The following SCRG1 variants were observed in gnomAD, a reference collection of about 807,000 sequenced individuals.
The protein encoded by SCRG1 is stimulator of chondrogenesis 1, also known as scrapie-responsive protein 1.
A neutral mutation model predicts 7.7 loss-of-function variants in SCRG1; 3 were observed. That is an observed-to-expected ratio of 0.39 (90% CI 0.18 to 1.01). SCRG1 has a LOEUF of 1.01. Among genes scored for constraint, SCRG1 ranks in the 50% least tolerant of loss-of-function variants. SCRG1 has a pLI of 0.36. For missense variants in SCRG1, 110 were observed against 117.2 expected (o/e 0.94, Z 0.28); for synonymous variants, 46 against 41.2 (o/e 1.12, Z -0.44).
chr4:173,417,422 G>T, the SCRG1 span, among the ~76,000 whole-genome samples: 1 of 152,208 alleles, frequency 6.6e-6, no homozygotes, highest in South Asian at 2.1e-4. Context: ...TGCCCCAGTT[G>T]CCCCCTAAGC....
chr4:173,423,231 C>A, the SCRG1 span, among the ~76,000 whole-genome samples: 5 of 151,994 alleles, frequency 3.3e-5, no homozygotes, highest in African/African-American at 1.2e-4. Context: ...GATTTATCAC[C>A]AATAGTGTTG....
At chr4:173,480,395 A>T in the SCRG1 span, among the ~76,000 whole-genome samples, 3 of 151,152 alleles carry the variant, frequency 2.0e-5, no homozygotes, top group Non-Finnish European at 4.4e-5. Flanking sequence ...CTGGCCTTTT[A>T]AAAAAGTCAA....
chr4:173,428,048 G>A, the SCRG1 span, among the ~76,000 whole-genome samples: 4 of 152,170 alleles, frequency 2.6e-5, no homozygotes, highest in African/African-American at 7.2e-5. Context: ...AATTATTGAA[G>A]ATCAAAGAGA....
At chr4:173,493,289 C>T in the SCRG1 span, among the ~76,000 whole-genome samples, 1 of 152,062 alleles carries the variant, frequency 6.6e-6, no homozygotes, top group African/African-American at 2.4e-5. Flanking sequence ...TGTGGCACTT[C>T]CCCCCTCTTG....
chr4:173,462,267 TC>T, the SCRG1 span, among the ~76,000 whole-genome samples: 1 of 151,780 alleles, frequency 6.6e-6, no homozygotes, highest in African/African-American at 2.4e-5. Context: ...ATAGTCAAAC[TC>T]CCAAAGGTCA....
chr4:173,479,641 A>G, the SCRG1 span, among the ~76,000 whole-genome samples: 1 of 151,826 alleles, frequency 6.6e-6, no homozygotes, highest in African/African-American at 2.4e-5. Flanking sequence ...GGGTTTCACC[A>G]TGTTACTCAG....
At chr4:173,492,623 G>A in the SCRG1 span, among the ~76,000 whole-genome samples, 7 of 152,308 alleles carry the variant, frequency 4.6e-5, no homozygotes, top group Non-Finnish European at 1.0e-4. Context: ...AGTAGAGTCA[G>A]CGGCAACCAT....
the SCRG1 span, among the ~76,000 whole-genome samples, chr4:173,476,363 A>AAAAAAAATATATATATAT: frequency 1.8e-3 from 173 of 98,442 alleles, 1 homozygote; most frequent in African/African-American, 5.0e-3. Flanking sequence ...GGAAAAAAAA[A>AAAAAAAATATATATATAT]ATATATATAT....
chr4:173,509,636 G>A, the SCRG1 span, among the ~76,000 whole-genome samples: 6 of 152,052 alleles, frequency 3.9e-5, no homozygotes, highest in East Asian at 1.9e-4. This position sits in a 1 kb window ranked among gnomAD's most constrained non-coding sequence, Gnocchi z 5.7. Context: ...GCTCCCTTCC[G>A]TCGGCCGGAA....
the SCRG1 span, among the ~76,000 whole-genome samples, chr4:173,481,632 A>AC: frequency 7.2e-5 from 11 of 152,000 alleles, no homozygotes; most frequent in African/African-American, 2.7e-4. Flanking sequence ...AGCAAGACCA[A>AC]CCCCTCTTCC....
chr4:173,511,675 C>A, the SCRG1 span, among the ~76,000 whole-genome samples: 2 of 151,952 alleles, frequency 1.3e-5, no homozygotes, highest in East Asian at 1.9e-4. The surrounding 1 kb of genome is among the most constrained non-coding windows in gnomAD (Gnocchi z 5.2). Context: ...GCAGATGAAC[C>A]CTAAAGGCCC....
At chr4:173,413,779 AT>A in the SCRG1 span, among the ~76,000 whole-genome samples, 1 of 152,292 alleles carries the variant, frequency 6.6e-6, no homozygotes, top group African/African-American at 2.4e-5. Flanking sequence ...ATTTGTTGTG[AT>A]TATCTAACTT....
the SCRG1 span, among the ~76,000 whole-genome samples, chr4:173,461,026 T>C: frequency 2.6e-5 from 4 of 152,188 alleles, no homozygotes; most frequent in Non-Finnish European, 5.9e-5. Context: ...CTGTGTCTTA[T>C]GGTTTGAGTG....
chr4:173,500,731 C>T, the SCRG1 span, among the ~76,000 whole-genome samples: 1 of 151,868 alleles, frequency 6.6e-6, no homozygotes, highest in Non-Finnish European at 1.5e-5. Context: ...AGGGATCCAC[C>T]CGCCTCCGTC....
chr4:173,397,730 A>C (rs1421441028), intron 1 of SCRG1, among the ~76,000 whole-genome samples: 1 of 152,250 alleles, frequency 6.6e-6, no homozygotes, highest in Non-Finnish European at 1.5e-5. Context: ...TTTAATTGCC[A>C]AAACTAACAG....
the SCRG1 span, chr4:173,468,132 A>G: frequency 6.5e-6 from 1 of 152,734 alleles, no homozygotes; most frequent in East Asian, 1.9e-4. Flanking sequence ...GATGGACCAC[A>G]TATACAACGG....
At chr4:173,505,401 G>A in the SCRG1 span, among the ~76,000 whole-genome samples, 6 of 152,080 alleles carry the variant, frequency 3.9e-5, no homozygotes, top group Non-Finnish European at 4.4e-5. The surrounding 1 kb of genome is among the most constrained non-coding windows in gnomAD (Gnocchi z 4.4). Flanking sequence ...TGGGACATCA[G>A]TACAAGATTC....
At chr4:173,505,882 G>T in the SCRG1 span, among the ~76,000 whole-genome samples, 1 of 152,214 alleles carries the variant, frequency 6.6e-6, no homozygotes, top group East Asian at 1.9e-4. The surrounding 1 kb of genome is among the most constrained non-coding windows in gnomAD (Gnocchi z 4.4). Context: ...TTCTTTCCCA[G>T]TTTAAGGGTG....
chr4:173,485,822 T>C, the SCRG1 span, among the ~76,000 whole-genome samples: 2 of 151,826 alleles, frequency 1.3e-5, no homozygotes, highest in Non-Finnish European at 2.9e-5. Flanking sequence ...ATACAAAAAT[T>C]AGCCAGGTGT....
Sources: gnomAD v4.1 joint callset for allele counts (sites outside exome capture counted in the v4.1 genomes callset) on GRCh38, gnomAD v4.1.1 for gene constraint, Gnocchi (gnomAD v3.1) non-coding constraint, MANE v1.5 for transcripts, NCBI Gene and HGNC (gene_info 2026-07-23, HGNC 2026-07-21) for gene names.